The following PTAFR variants were observed in gnomAD, a reference collection of about 807,000 sequenced individuals.
PTAFR encodes platelet-activating factor receptor.
Under a neutral mutation model 14.7 loss-of-function variants are expected in PTAFR, and 8 were observed. The observed-to-expected ratio is 0.54, with a 90% CI of 0.32 to 0.98. The LOEUF (loss-of-function observed/expected upper bound fraction) is 0.98. Among genes scored for constraint, PTAFR ranks in the 50% least tolerant of loss-of-function variants. PTAFR has a pLI of 0.04. For synonymous variants in PTAFR, 156 were observed against 176.5 expected, an observed-to-expected ratio of 0.88 and a Z score of 0.92; for missense variants, 337 against 451.2, an observed-to-expected ratio of 0.75 and a Z score of 2.29.
At chr1:28,155,061 C>G (rs959171090) in intron 1 of PTAFR, among the ~76,000 whole-genome samples, 7 of 152,128 alleles carry the variant, frequency 4.6e-5, no homozygotes, top group African/African-American at 1.7e-4. Context: ...ACCCTCACCT[C>G]GTGCCACCTT....
Position 28,150,726 on chromosome 1 carries a change from A to C in PTAFR, c.296T>G (p.Ile99Ser). 6.2e-7 allele frequency: 1 copy of C among 1,614,162 alleles called. No individual in the cohort carries two copies. The highest frequency in any genetic ancestry group is 8.5e-7 in the Non-Finnish European group (1 of 1,180,038). Reference protein sequence around the residue: ...LCNVAGCLFFINTYCSVAFLG... With the variant: ...LCNVAGCLFFSNTYCSVAFLG... ...GAAGGCCACAGAGCAGTAGGTGTTG[A>C]TGAAGAAAAGGCAGCCAGCCACGTT... Residue 99 changes from isoleucine to serine, a missense_variant, in exon 2 of 2, where the codon ATC becomes AGC. By Grantham distance (142) the Ile-to-Ser change is moderately radical (BLOSUM62 -2). Transcript: ENST00000373857. The surrounding 1 kb of genome is among the most constrained non-coding windows in gnomAD (Gnocchi z 6.3).
chr1:28,184,057 TCCATACTCACGTCC>T (rs1409472423), intron 1 of PTAFR, among the ~76,000 whole-genome samples: 2 of 148,800 alleles, frequency 1.3e-5, no homozygotes, highest in South Asian at 4.3e-4. Flanking sequence ...TCTCCCTGCT[TCCATACTCACGTCC>T]CCATTAGTCT....
intron 1 of PTAFR, among the ~76,000 whole-genome samples, chr1:28,166,685 C>G (rs561524972): frequency 1.3e-5 from 2 of 150,938 alleles, no homozygotes; most frequent in Non-Finnish European, 3.0e-5. Context: ...AAAAAAAAAG[C>G]TTCACAACAG....
chr1:28,187,083 G>A (rs1420951404), intron 1 of PTAFR, among the ~76,000 whole-genome samples: 7 of 152,104 alleles, frequency 4.6e-5, no homozygotes, highest in Non-Finnish European at 1.0e-4. Flanking sequence ...GAGCCACCTC[G>A]TCCAGCCCTC....
At chr1:28,155,151 C>T (rs1265781621) in intron 1 of PTAFR, among the ~76,000 whole-genome samples, 1 of 152,158 alleles carries the variant, frequency 6.6e-6, no homozygotes, top group Non-Finnish European at 1.5e-5. Flanking sequence ...GAAGCCTCCA[C>T]AATACCCATC....
At chr1:28,186,162 T>C (rs1646604582) in intron 1 of PTAFR, among the ~76,000 whole-genome samples, 1 of 152,064 alleles carries the variant, frequency 6.6e-6, no homozygotes. Context: ...TTTTGTTTTG[T>C]TTAGTAGAGA....
intron 1 of PTAFR, among the ~76,000 whole-genome samples, chr1:28,164,607 A>C (rs569050650): frequency 6.6e-6 from 1 of 152,206 alleles, no homozygotes; most frequent in East Asian, 1.9e-4. Context: ...CTAATTTTCT[A>C]GGGGTAAAAA....
chr1:28,185,071 A>T (rs370730608), intron 1 of PTAFR, among the ~76,000 whole-genome samples: 1 of 152,036 alleles, frequency 6.6e-6, no homozygotes, highest in African/African-American at 2.4e-5. Flanking sequence ...AGTTGCAGCC[A>T]TCCCCCCACA....
intron 1 of PTAFR, among the ~76,000 whole-genome samples, chr1:28,184,082 GTTTTTTTTTTTTTTTT>G (rs1165813776): frequency 3.6e-5 from 3 of 82,408 alleles, no homozygotes; most frequent in African/African-American, 9.9e-5. Context: ...CCATTAGTCT[GTTTTTTTTTTTTTTTT>G]TTTTTTTTTT....
At chr1:28,174,668 C>T (rs1456303241) in intron 1 of PTAFR, among the ~76,000 whole-genome samples, 1 of 152,158 alleles carries the variant, frequency 6.6e-6, no homozygotes, top group African/African-American at 2.4e-5. Context: ...CTGCAAAAAC[C>T]GCTTCATCAT....
chr1:28,177,060 G>A (rs1490221720), upstream of PTAFR: 2 of 152,544 alleles, frequency 1.3e-5, no homozygotes, highest in South Asian at 2.1e-4. Context: ...TGGAGGGAGC[G>A]AGGCTCAGGG....
chr1:28,182,116 A>C (rs1646567501), intron 1 of PTAFR, among the ~76,000 whole-genome samples: 1 of 150,686 alleles, frequency 6.6e-6, no homozygotes, highest in Non-Finnish European at 1.5e-5. Flanking sequence ...TGGGTGGATC[A>C]CTTGAAGTCA....
chr1:28,164,691 C>G (rs966017859), intron 1 of PTAFR, among the ~76,000 whole-genome samples: 1 of 152,190 alleles, frequency 6.6e-6, no homozygotes, highest in African/African-American at 2.4e-5. Flanking sequence ...ATTTTGAACT[C>G]CAAGGTTCAT....
At chr1:28,156,769 G>A (rs1646268065) in intron 1 of PTAFR, among the ~76,000 whole-genome samples, 1 of 152,188 alleles carries the variant, frequency 6.6e-6, no homozygotes, top group African/African-American at 2.4e-5. Context: ...AAGATGCCCA[G>A]TTCATCCAGG....
intron 1 of PTAFR, among the ~76,000 whole-genome samples, chr1:28,154,204 C>A (rs1474217237): frequency 6.6e-6 from 1 of 151,762 alleles, no homozygotes; most frequent in Non-Finnish European, 1.5e-5. Flanking sequence ...TTGAGTCTCA[C>A]ACAAACACTT....
At chr1:28,163,096 T>C (rs1490744197) in intron 1 of PTAFR, among the ~76,000 whole-genome samples, 2 of 152,116 alleles carry the variant, frequency 1.3e-5, no homozygotes, top group African/African-American at 4.8e-5. Context: ...TTTCCTCAAA[T>C]CTCTTTGCCT....
chr1:28,172,163 A>T (rs576804171), intron 1 of PTAFR, among the ~76,000 whole-genome samples: 1 of 152,272 alleles, frequency 6.6e-6, no homozygotes, highest in South Asian at 2.1e-4. Context: ...TTACAAGCGC[A>T]TGCCACCATG....
intron 1 of PTAFR, among the ~76,000 whole-genome samples, chr1:28,156,488 TTA>T (rs1375333338): frequency 1.3e-5 from 2 of 152,230 alleles, no homozygotes; most frequent in Non-Finnish European, 2.9e-5. Flanking sequence ...CCTAAATTGT[TTA>T]TGTTTTAGAA....
At chr1:28,173,663 A>C (rs963336656) in intron 1 of PTAFR, among the ~76,000 whole-genome samples, 1 of 148,250 alleles carries the variant, frequency 6.7e-6, no homozygotes, top group Non-Finnish European at 1.5e-5. Flanking sequence ...AAGAAAAAAA[A>C]AAAGAGGAGG....
Sources: gnomAD v4.1 joint callset for allele counts (sites outside exome capture counted in the v4.1 genomes callset) on GRCh38, gnomAD v4.1.1 for gene constraint, Gnocchi (gnomAD v3.1) non-coding constraint, MANE v1.5 for transcripts, NCBI Gene and HGNC (gene_info 2026-07-23, HGNC 2026-07-21) for gene names.